Variants in CHIA observed in about 807,000 individuals in gnomAD.
CHIA encodes acidic mammalian chitinase.
In CHIA, 47 loss-of-function variants were observed where a neutral mutation model predicts 53.5. The ratio of observed to expected loss-of-function variants is 0.88; its 90% CI spans 0.70 to 1.12. CHIA has a LOEUF of 1.12. CHIA is among the 50% of genes most tolerant of loss of function. CHIA has a pLI of 0.00. For missense variants in CHIA, 652 were observed against 592.2 expected (o/e 1.10, Z -1.05); for synonymous variants, 268 against 222.2 (o/e 1.21, Z -1.83).
intron 1 of CHIA, among the ~76,000 whole-genome samples, chr1:111,304,603 T>A (rs933250391): frequency 7.2e-5 from 11 of 152,208 alleles, no homozygotes; most frequent in African/African-American, 2.7e-4. Flanking sequence ...TCCAAATTTT[T>A]AAAAATCTTA....
At chr1:111,295,923 C>T (rs925156664) in intron 1 of CHIA, among the ~76,000 whole-genome samples, 3 of 152,246 alleles carry the variant, frequency 2.0e-5, no homozygotes, top group African/African-American at 7.2e-5. Flanking sequence ...GCACCTGGCT[C>T]AGTGGGTCCC....
intron 1 of CHIA, among the ~76,000 whole-genome samples, chr1:111,300,016 A>T (rs1323812760): frequency 6.6e-6 from 1 of 152,216 alleles, no homozygotes; most frequent in Non-Finnish European, 1.5e-5. Flanking sequence ...TAGGAACTCA[A>T]CTTACAAGAG....
Position 111,318,486 on chromosome 1 carries a change from A to G in CHIA, c.730-7A>G. On this transcript the variant is annotated splice_region_variant and splice_polypyrimidine_tract_variant and intron_variant, in intron 8 of 11. Coordinates refer to ENST00000369740, the MANE Select transcript of CHIA (RefSeq NM_201653.4). ...TGGGCCATGTAACTAACCCACTGAC[A>G]TTGCAGGATTATGTCATGAACTACT... 6.2e-7 allele frequency: 1 copy of G among 1,610,888 alleles called. No individual in the cohort carries two copies. The highest frequency in any genetic ancestry group is 8.5e-7 in the Non-Finnish European group (1 of 1,177,844).
intron 1 of CHIA, among the ~76,000 whole-genome samples, chr1:111,293,635 A>T (rs1337969964): frequency 1.3e-5 from 2 of 152,230 alleles, no homozygotes; most frequent in Non-Finnish European, 2.9e-5. Flanking sequence ...TCTGTGATTT[A>T]GGTGTCATAT....
chr1:111,309,498 T>C (rs1178073477), intron 1 of CHIA, among the ~76,000 whole-genome samples: 1 of 152,050 alleles, frequency 6.6e-6, no homozygotes, highest in Non-Finnish European at 1.5e-5. Context: ...AAGATCTGAG[T>C]TGGACTTTGA....
intron 1 of CHIA, among the ~76,000 whole-genome samples, chr1:111,305,078 T>C (rs1177669358): frequency 6.6e-6 from 1 of 152,162 alleles, no homozygotes; most frequent in Non-Finnish European, 1.5e-5. Context: ...TTTTGTTTTG[T>C]TGTTTTTGTT....
intron 1 of CHIA, among the ~76,000 whole-genome samples, chr1:111,302,109 A>G (rs570288835): frequency 6.6e-6 from 1 of 152,204 alleles, no homozygotes; most frequent in Non-Finnish European, 1.5e-5. Context: ...TAATGTCCCC[A>G]TTTTTATTTC....
At chr1:111,317,235 A>T in intron 6 of CHIA, 1 of 172,936 alleles carries the variant, frequency 5.8e-6, no homozygotes, top group Non-Finnish European at 1.3e-5. Flanking sequence ...GGAACCTATC[A>T]TCTAGCTGTT....
At chr1:111,307,463 G>A (rs12128628) in intron 1 of CHIA, among the ~76,000 whole-genome samples, 20,046 of 152,022 alleles carry the variant, frequency 0.13, 1,532 homozygotes, top group African/African-American at 0.19. Flanking sequence ...TGTATCATTT[G>A]GGGAAACAGA....
rs1649460544 is a variant in CHIA at position 111,319,390 on chromosome 1, T to C, written c.1099T>C (p.Phe367Leu). 3.1e-6 allele frequency: 5 copies of C among 1,614,120 alleles called. No individual in the cohort carries two copies. The highest frequency in any genetic ancestry group is 3.4e-6 in the Non-Finnish European group (4 of 1,179,962). Residue 367 changes from phenylalanine (F) to leucine (L), a missense_variant, in exon 11 of 12, where the codon TTC becomes CTC. Coordinates refer to ENST00000369740, the MANE Select transcript of CHIA (RefSeq NM_201653.4). ...AMVWAIDLDDFTGTFCNQGKF... is the reference protein window; with the variant it reads ...AMVWAIDLDDLTGTFCNQGKF... ...GGTCTGGGCCATTGATCTGGATGAC[T>C]TCACTGGCACTTTCTGCAACCAGGG...
At chr1:111,320,066 G>C (rs1191321638) in intron 11 of CHIA, 147 bp from the exon 12 acceptor site, 1 of 661,486 alleles carries the variant, frequency 1.5e-6, no homozygotes, top group African/African-American at 1.8e-5. Context: ...CCTGAATATG[G>C]AGCTACTTTC....
At chr1:111,316,907 C>T (rs905646593) in intron 6 of CHIA, 10 of 152,180 alleles carry the variant, frequency 6.6e-5, no homozygotes, top group African/African-American at 2.4e-4. Context: ...CTGGAACATG[C>T]CTCTAGTCAT....
At chr1:111,318,795 C>A (rs1465050653) in intron 9 of CHIA, 117 bp downstream of exon 9, 1 of 1,144,060 alleles carries the variant, frequency 8.7e-7, no homozygotes, top group Non-Finnish European at 1.2e-6. Context: ...TTAAACACAG[C>A]TGCTTAAAGT....
chr1:111,292,667 A>C (rs1362325294), intron 1 of CHIA, among the ~76,000 whole-genome samples: 2 of 152,150 alleles, frequency 1.3e-5, no homozygotes, highest in Non-Finnish European at 1.5e-5. Context: ...TTCTTGAGCC[A>C]TCTCTCCTTT....
chr1:111,309,649 G>A (rs914538965), intron 1 of CHIA, among the ~76,000 whole-genome samples: 24 of 152,238 alleles, frequency 1.6e-4, no homozygotes, highest in African/African-American at 5.1e-4. Context: ...GGCCAAAAGA[G>A]AAATGTATTA....
At chr1:111,316,667 G>A (rs1247667693) in intron 6 of CHIA, 1 of 152,184 alleles carries the variant, frequency 6.6e-6, no homozygotes, top group African/African-American at 2.4e-5. Flanking sequence ...TCCTAACAGA[G>A]TGCCCAGTAG....
intron 1 of CHIA, among the ~76,000 whole-genome samples, chr1:111,297,323 G>A (rs192931898): frequency 6.6e-6 from 1 of 152,318 alleles, no homozygotes; most frequent in East Asian, 1.9e-4. Context: ...GGCAGCCAGA[G>A]AGAAAGGTCG....
intron 1 of CHIA, among the ~76,000 whole-genome samples, chr1:111,291,519 G>A (rs1010650183): frequency 1.3e-5 from 2 of 151,716 alleles, no homozygotes; most frequent in African/African-American, 4.9e-5. Flanking sequence ...TGAGGGGTTG[G>A]GGGCAAGGGG....
At chr1:111,297,410 G>C (rs1033050022) in intron 1 of CHIA, among the ~76,000 whole-genome samples, 1 of 152,176 alleles carries the variant, frequency 6.6e-6, no homozygotes, top group African/African-American at 2.4e-5. Flanking sequence ...AAGAGAGTGA[G>C]GGCTAATATT....
Sources: allele counts gnomAD v4.1 joint callset (sites outside exome capture counted in the v4.1 genomes callset), GRCh38; gene constraint gnomAD v4.1.1; transcripts MANE v1.5; gene names NCBI Gene and HGNC (gene_info 2026-07-23, HGNC 2026-07-21).